Variants in AFG2A observed in about 807,000 individuals in gnomAD.
AFG2A encodes ATPase family gene 2 protein homolog A.
the AFG2A span, among the ~76,000 whole-genome samples, chr4:123,266,467 G>A: frequency 1.3e-5 from 2 of 151,728 alleles, no homozygotes; most frequent in Non-Finnish European, 3.0e-5. Flanking sequence ...TCTACAATTT[G>A]CCTAATTTTT....
chr4:122,997,901 T>C, the AFG2A span, among the ~76,000 whole-genome samples: 1 of 152,200 alleles, frequency 6.6e-6, no homozygotes, highest in East Asian at 1.9e-4. Flanking sequence ...CTAATGATGT[T>C]GAGCATCTTT....
At chr4:123,295,395 C>T in the AFG2A span, among the ~76,000 whole-genome samples, 10 of 152,216 alleles carry the variant, frequency 6.6e-5, no homozygotes, top group Admixed American at 6.5e-4. Context: ...TGTCTTGAGA[C>T]TTTGACTGAC....
chr4:123,178,182 G>T, the AFG2A span, among the ~76,000 whole-genome samples: 1 of 152,162 alleles, frequency 6.6e-6, no homozygotes, highest in Non-Finnish European at 1.5e-5. Flanking sequence ...TAGTGGTAAA[G>T]TCTGGGCTTT....
the AFG2A span, among the ~76,000 whole-genome samples, chr4:123,072,057 T>C: frequency 6.6e-6 from 1 of 152,216 alleles, no homozygotes; most frequent in South Asian, 2.1e-4. Flanking sequence ...TTTTAAAAAT[T>C]ATTTATGATG....
At chr4:122,989,299 G>C in the AFG2A span, among the ~76,000 whole-genome samples, 2 of 151,858 alleles carry the variant, frequency 1.3e-5, no homozygotes, top group African/African-American at 4.8e-5. Context: ...TTGGTAGGCT[G>C]TCTTGCTGCT....
At chr4:123,227,125 C>A in the AFG2A span, among the ~76,000 whole-genome samples, 1 of 151,972 alleles carries the variant, frequency 6.6e-6, no homozygotes, top group Non-Finnish European at 1.5e-5. Flanking sequence ...GTCTTGCTAG[C>A]GGTCTATCAA....
At chr4:123,096,898 G>A in the AFG2A span, among the ~76,000 whole-genome samples, 95,184 of 152,030 alleles carry the variant, frequency 0.63, 33,528 homozygotes, top group East Asian at 0.97. Context: ...AAGAGGAAAT[G>A]TGCTTAATGA....
At chr4:123,268,490 A>C in the AFG2A span, among the ~76,000 whole-genome samples, 1 of 152,206 alleles carries the variant, frequency 6.6e-6, no homozygotes, top group Non-Finnish European at 1.5e-5. Context: ...TGAACATTAA[A>C]TTTCTAGATT....
the AFG2A span, among the ~76,000 whole-genome samples, chr4:123,231,963 A>G: frequency 6.6e-6 from 1 of 151,934 alleles, no homozygotes; most frequent in East Asian, 1.9e-4. Context: ...ACATCAAAGA[A>G]CAGTGATCAC....
the AFG2A span, among the ~76,000 whole-genome samples, chr4:123,226,154 C>T: frequency 6.6e-6 from 1 of 152,192 alleles, no homozygotes; most frequent in African/African-American, 2.4e-5. Flanking sequence ...ATGTCATCTG[C>T]AAACAGGGAC....
the AFG2A span, among the ~76,000 whole-genome samples, chr4:123,177,727 C>T: frequency 6.6e-6 from 1 of 152,182 alleles, no homozygotes; most frequent in African/African-American, 2.4e-5. Flanking sequence ...CTCAGCTCTT[C>T]CAACGTGAAT....
the AFG2A span, chr4:123,028,444 C>G: frequency 1.3e-6 from 2 of 1,493,286 alleles, no homozygotes. Flanking sequence ...CCTCCCCCAA[C>G]CCCCATTCTC....
chr4:123,109,832 C>A, the AFG2A span, among the ~76,000 whole-genome samples: 1 of 152,088 alleles, frequency 6.6e-6, no homozygotes, highest in Non-Finnish European at 1.5e-5. Flanking sequence ...TATTCAGGTA[C>A]CTGGAACACA....
the AFG2A span, among the ~76,000 whole-genome samples, chr4:123,086,781 T>C: frequency 6.6e-6 from 1 of 152,168 alleles, no homozygotes; most frequent in East Asian, 1.9e-4. Context: ...TGTATATACA[T>C]ATCCGTAAGT....
chr4:123,102,238 C>T, the AFG2A span: 1 of 134,178 alleles, frequency 7.5e-6, no homozygotes, highest in African/African-American at 2.8e-5. Flanking sequence ...TCAAACAGAT[C>T]ATAAAGCAAG....
the AFG2A span, chr4:122,934,148 G>C: frequency 6.2e-7 from 1 of 1,613,860 alleles, no homozygotes; most frequent in Non-Finnish European, 8.5e-7. Flanking sequence ...TTCTATGGAC[G>C]ACCGTACAAG....
chr4:123,259,160 C>T, the AFG2A span, among the ~76,000 whole-genome samples: 1 of 152,166 alleles, frequency 6.6e-6, no homozygotes, highest in African/African-American at 2.4e-5. Context: ...AGCCTCTGTG[C>T]CCACCACTGG....
chr4:122,999,843 A>G, the AFG2A span, among the ~76,000 whole-genome samples: 29 of 151,994 alleles, frequency 1.9e-4, no homozygotes, highest in Non-Finnish European at 3.8e-4. Flanking sequence ...AATTCTGTGA[A>G]GAAAGTCATT....
the AFG2A span, among the ~76,000 whole-genome samples, chr4:123,156,342 T>G: frequency 6.6e-6 from 1 of 152,158 alleles, no homozygotes; most frequent in Non-Finnish European, 1.5e-5. Context: ...GGGTCTAGGC[T>G]TCACATTACG....
Sources: gnomAD v4.1 joint callset for allele counts (sites outside exome capture counted in the v4.1 genomes callset) on GRCh38, gnomAD v4.1.1 for gene constraint, MANE v1.5 for transcripts, NCBI Gene and HGNC (gene_info 2026-07-23, HGNC 2026-07-21) for gene names.